ATP10B: variants seen among roughly 807,000 people sequenced by gnomAD.
ATP10B encodes ATPase phospholipid transporting 10B (putative), also known as phospholipid-transporting ATPase VB.
In ATP10B, 122 loss-of-function variants were observed where a neutral mutation model predicts 141.2. That is an observed-to-expected ratio of 0.86 (90% CI 0.75 to 1.00). The LOEUF (loss-of-function observed/expected upper bound fraction) is 1.00. Among genes scored for constraint, ATP10B ranks in the 50% least tolerant of loss-of-function variants. The pLI is 0.00. For synonymous variants in ATP10B, 685 were observed against 692.0 expected, an observed-to-expected ratio of 0.99 and a Z score of 0.16; for missense variants, 1,876 against 1,825.3, an observed-to-expected ratio of 1.03 and a Z score of -0.51.
chr5:160,836,156 A>G (rs934632425), intron 1 of ATP10B, among the ~76,000 whole-genome samples: 2 of 152,092 alleles, frequency 1.3e-5, no homozygotes, highest in African/African-American at 4.8e-5. Context: ...TACAATGTAT[A>G]TTATTTGGAT....
chr5:160,728,496 C>T (rs1029927431), intron 2 of ATP10B, among the ~76,000 whole-genome samples: 10 of 152,140 alleles, frequency 6.6e-5, no homozygotes, highest in African/African-American at 2.4e-4. Flanking sequence ...ACACTGATGC[C>T]AGGGAAATAA....
intron 1 of ATP10B, among the ~76,000 whole-genome samples, chr5:160,813,492 G>A (rs1343798720): frequency 3.3e-5 from 5 of 152,258 alleles, no homozygotes; most frequent in Admixed American, 6.5e-5. Flanking sequence ...TGGGAAGCTC[G>A]AACTGGGTGG....
chr5:160,761,576 C>G (rs1393244070), intron 2 of ATP10B, among the ~76,000 whole-genome samples: 1 of 152,198 alleles, frequency 6.6e-6, no homozygotes, highest in Admixed American at 6.5e-5. Flanking sequence ...ACAAAAGAAT[C>G]TGAACAACAG....
At chr5:160,839,040 C>T (rs1342229151) in intron 1 of ATP10B, among the ~76,000 whole-genome samples, 2 of 152,166 alleles carry the variant, frequency 1.3e-5, no homozygotes, top group African/African-American at 4.8e-5. Flanking sequence ...CTTCCTAAGG[C>T]CCCACCAGAA....
intron 1 of ATP10B, among the ~76,000 whole-genome samples, chr5:160,789,549 A>G: frequency 6.6e-6 from 1 of 152,234 alleles, no homozygotes; most frequent in African/African-American, 2.4e-5. Context: ...GTAAAATCTT[A>G]TGGGACCACT....
intron 7 of ATP10B, among the ~76,000 whole-genome samples, chr5:160,655,860 G>A (rs1761458628): frequency 6.6e-6 from 1 of 152,188 alleles, no homozygotes; most frequent in African/African-American, 2.4e-5. Context: ...ACACAAATCA[G>A]TGATTGCAGC....
chr5:160,742,045 T>C (rs1227380171), intron 2 of ATP10B, among the ~76,000 whole-genome samples: 1 of 152,196 alleles, frequency 6.6e-6, no homozygotes, highest in African/African-American at 2.4e-5. Flanking sequence ...GAGTTGTCAC[T>C]CTCAGATCTA....
chr5:160,869,345 C>T, the ATP10B span, among the ~76,000 whole-genome samples: 1 of 151,980 alleles, frequency 6.6e-6, no homozygotes, highest in Non-Finnish European at 1.5e-5. Flanking sequence ...CATATATCAC[C>T]CCTACCCCTA....
At chr5:160,692,126 G>A (rs1028045211) in intron 3 of ATP10B, among the ~76,000 whole-genome samples, 4 of 152,048 alleles carry the variant, frequency 2.6e-5, no homozygotes, top group Non-Finnish European at 4.4e-5. Flanking sequence ...AGTTATTTTC[G>A]GTGGAGTAGG....
In ATP10B at chr5:160,635,759, A is replaced by G. The variant is rs1445161556; in HGVS notation, c.1128+423T>C. Among the ~76,000 whole-genome samples the G allele has an allele frequency of 2.0e-5, 3 of 152,036 alleles. No homozygotes were observed. The East Asian group carries it at 5.8e-4, about 29-fold the overall frequency. On this transcript the variant is annotated intron_variant, in intron 11 of 25. Coordinates refer to ENST00000327245, the MANE Select transcript of ATP10B (RefSeq NM_025153.3). The stretch of plus-strand genomic sequence containing the variant: ...GGCCAGTTCTGTTCTTTTCCTTCTC[A>G]ATGTATCAAATGTTAAAACACTAAC...
At chr5:160,844,240 A>T (rs1334222460) in intron 1 of ATP10B, among the ~76,000 whole-genome samples, 2 of 152,166 alleles carry the variant, frequency 1.3e-5, no homozygotes, top group Non-Finnish European at 2.9e-5. Context: ...GCTAAAAGAT[A>T]TGCCAAAAAC....
chr5:160,604,082 C>T, intron 19 of ATP10B, 41 bp from the exon 20 acceptor site: 1 of 1,500,782 alleles, frequency 6.7e-7, no homozygotes, highest in Non-Finnish European at 9.3e-7. Flanking sequence ...TTTGGTCCAA[C>T]TGCTCAGTGA....
chr5:160,812,014 C>G lies in ATP10B; in HGVS notation c.-575-26211G>C, dbSNP rs867411849. Among the ~76,000 whole-genome samples, 1,092 of 118,016 alleles carry G rather than the reference C, an allele frequency of 9.3e-3. 18 individuals are homozygous for G. The highest frequency in any genetic ancestry group is 0.034 in the African/African-American group (1,031 of 29,990). 77.4% of individuals were successfully genotyped at this position (118,016 alleles called of 152,430 possible). A position where few individuals can be genotyped will look rare whatever the true frequency, so the allele number is the denominator to read the frequency against. The stretch of plus-strand genomic sequence containing the variant: ...CTGAACAGAGAGACAGAGACAGAGA[C>G]AGAGACAGAGAGAGAGAGAGAGAGA... On this transcript the variant is annotated intron_variant, in intron 1 of 25. Coordinates refer to ENST00000327245, the MANE Select transcript of ATP10B (RefSeq NM_025153.3).
intron 18 of ATP10B, chr5:160,612,525 T>C (rs1757772014): frequency 4.7e-6 from 2 of 421,286 alleles, no homozygotes; most frequent in Admixed American, 7.9e-5. Flanking sequence ...CCAGAAGTAA[T>C]GTAAAAGAGA....
Position 160,640,470 on chromosome 5 carries a change from C to A in ATP10B, c.991G>T (p.Gly331Ter). 2 of 1,613,964 alleles carry A rather than the reference C, an allele frequency of 1.2e-6. No individual in the cohort carries two copies. The highest frequency in any genetic ancestry group is 8.5e-7 in the Non-Finnish European group (1 of 1,179,922). Reference protein sequence around the residue: ...IGILILMCLIGAVGHSIWNGT... With the variant: ...IGILILMCLI ...CCAGAACATCCCATACCTACAGCTCCAATAAGGCACATGAGGATGAGGATC... is the reference window on the plus strand; with the variant it reads ...CCAGAACATCCCATACCTACAGCTCAAATAAGGCACATGAGGATGAGGATC... The change falls in exon 10 of 26, where the codon GGA (glycine) becomes TGA (stop). Residue 331 changes from glycine (G) to a stop codon, truncating the protein, a stop_gained. Coordinates refer to ENST00000327245, the MANE Select transcript of ATP10B (RefSeq NM_025153.3). LOFTEE classifies it high-confidence loss of function.
chr5:160,701,453 A>G (rs1254313266), intron 3 of ATP10B, among the ~76,000 whole-genome samples: 2 of 152,140 alleles, frequency 1.3e-5, no homozygotes, highest in Non-Finnish European at 2.9e-5. Flanking sequence ...TTTATGATTG[A>G]GGGGCTATGT....
chr5:160,657,346 T>A (rs1336667178), intron 7 of ATP10B, among the ~76,000 whole-genome samples: 1 of 152,092 alleles, frequency 6.6e-6, no homozygotes, highest in Non-Finnish European at 1.5e-5. Flanking sequence ...TTGATAACCT[T>A]TCTGCTTCCT....
intron 7 of ATP10B, among the ~76,000 whole-genome samples, chr5:160,653,598 C>CATATACATATATACATATATACATATATT (rs1761129802): frequency 1.2e-5 from 1 of 83,840 alleles, no homozygotes; most frequent in African/African-American, 5.6e-5. Flanking sequence ...TACATATATA[C>CATATACATATATACATATATACATATATT]ATATATACAT....
At chr5:160,616,021 C>G (rs557862281) in intron 16 of ATP10B, 57 bp from the exon 17 acceptor site, 1 of 1,559,546 alleles carries the variant, frequency 6.4e-7, no homozygotes, top group South Asian at 1.2e-5. Flanking sequence ...AGATAATTTC[C>G]TCTCTCTTCC....
Sources: allele counts gnomAD v4.1 joint callset (sites outside exome capture counted in the v4.1 genomes callset), GRCh38; gene constraint gnomAD v4.1.1; transcripts MANE v1.5; gene names NCBI Gene and HGNC (gene_info 2026-07-23, HGNC 2026-07-21).